The following NFIA variants were observed in gnomAD, a reference collection of about 807,000 sequenced individuals.
The protein encoded by NFIA is nuclear factor 1 A-type.
A neutral mutation model predicts 62.8 loss-of-function variants in NFIA; 8 were observed. That is an observed-to-expected ratio of 0.13 (90% CI 0.07 to 0.23). The LOEUF (loss-of-function observed/expected upper bound fraction) is 0.23. Among genes scored for constraint, NFIA ranks in the 10% least tolerant of loss-of-function variants. The pLI, the probability that NFIA is intolerant of heterozygous loss-of-function variation, is 1.00. For synonymous variants in NFIA, 235 were observed against 238.1 expected, an observed-to-expected ratio of 0.99 and a Z score of 0.12; for missense variants, 410 against 642.1, an observed-to-expected ratio of 0.64 and a Z score of 3.91.
At chr1:61,450,305 C>T (rs1668002606) in intron 10 of NFIA, among the ~76,000 whole-genome samples, 1 of 152,326 alleles carries the variant, frequency 6.6e-6, no homozygotes, top group African/African-American at 2.4e-5. Context: ...GAGACCTCAT[C>T]CATTTCTATC....
intron 2 of NFIA, among the ~76,000 whole-genome samples, chr1:61,275,371 G>A (rs1020864218): frequency 1.3e-5 from 2 of 152,148 alleles, no homozygotes; most frequent in African/African-American, 4.8e-5. Flanking sequence ...AAAGAAGAAA[G>A]AAGTCTGCTT....
intron 4 of NFIA, among the ~76,000 whole-genome samples, chr1:61,342,294 C>T (rs547286550): frequency 9.1e-4 from 138 of 151,984 alleles, no homozygotes; most frequent in Non-Finnish European, 1.8e-3. Flanking sequence ...AGTCCCAGTG[C>T]ACTATTGGTT....
At chr1:61,159,069 T>A in intron 2 of NFIA, among the ~76,000 whole-genome samples, 1 of 152,122 alleles carries the variant, frequency 6.6e-6, no homozygotes, top group East Asian at 1.9e-4. Flanking sequence ...TTTTTTTCCA[T>A]CTTCTTCTCC....
intron 2 of NFIA, among the ~76,000 whole-genome samples, chr1:61,126,109 T>A (rs756361488): frequency 2.0e-5 from 3 of 152,172 alleles, no homozygotes; most frequent in Non-Finnish European, 4.4e-5. Flanking sequence ...CGAAACTTGC[T>A]TCAGTTCAGA....
intron 2 of NFIA, among the ~76,000 whole-genome samples, chr1:61,270,274 C>G (rs1412080398): frequency 6.6e-6 from 1 of 152,164 alleles, no homozygotes; most frequent in Non-Finnish European, 1.5e-5. Context: ...TAGGCAAAAT[C>G]ATCAGTAGTG....
chr1:61,376,855 A>T (rs1046014591), intron 6 of NFIA, among the ~76,000 whole-genome samples: 1 of 152,200 alleles, frequency 6.6e-6, no homozygotes, highest in Non-Finnish European at 1.5e-5. Flanking sequence ...ATCACTTGAT[A>T]TCTAATTTCT....
chr1:61,177,038 A>G (rs1003986665), intron 2 of NFIA, among the ~76,000 whole-genome samples: 13 of 152,068 alleles, frequency 8.5e-5, no homozygotes, highest in East Asian at 1.9e-4. Flanking sequence ...CCTGGGAGGC[A>G]GAGCTTGCAG....
intron 10 of NFIA, among the ~76,000 whole-genome samples, chr1:61,448,151 C>T (rs1667901502): frequency 2.6e-5 from 4 of 152,120 alleles, no homozygotes; most frequent in Non-Finnish European, 2.9e-5. Context: ...TGACTACCCC[C>T]TCCCTTCCTC....
chr1:61,091,936 G>A (rs764915820), intron 2 of NFIA, among the ~76,000 whole-genome samples: 4 of 150,214 alleles, frequency 2.7e-5, no homozygotes, highest in Admixed American at 6.7e-5. Flanking sequence ...GTTAGATTTT[G>A]TGAAAGGTTA....
chr1:61,389,936 T>C (rs936516059), intron 7 of NFIA, among the ~76,000 whole-genome samples: 1 of 152,188 alleles, frequency 6.6e-6, no homozygotes, highest in Non-Finnish European at 1.5e-5. Flanking sequence ...GACCCATTAA[T>C]TTTTTTCCAC....
At chr1:61,405,348 A>G (rs374378439) in intron 8 of NFIA, among the ~76,000 whole-genome samples, 24 of 152,348 alleles carry the variant, frequency 1.6e-4, no homozygotes, top group African/African-American at 5.5e-4. Context: ...CTCAGAAATA[A>G]CGCAAAGGCA....
At chr1:61,280,698 T>C (rs929856947) in intron 3 of NFIA, among the ~76,000 whole-genome samples, 1 of 152,206 alleles carries the variant, frequency 6.6e-6, no homozygotes, top group Non-Finnish European at 1.5e-5. Context: ...CTTTCTTTTC[T>C]TGTACTCCCT....
intron 2 of NFIA, among the ~76,000 whole-genome samples, chr1:61,158,941 G>A (rs1441365554): frequency 6.6e-6 from 1 of 152,152 alleles, no homozygotes; most frequent in African/African-American, 2.4e-5. Context: ...GAAAGAAATG[G>A]TGTACTTTCT....
Position 61,330,759 on chromosome 1 carries a change from G to A in NFIA, c.626-1753G>A, listed in dbSNP as rs138113463. Among the ~76,000 whole-genome samples, 10 of 152,270 alleles carry A rather than the reference G, an allele frequency of 6.6e-5. No individual in the cohort carries two copies. In the East Asian group the frequency reaches 1.7e-3, roughly 26 times the overall value. ...ATTTCAAAGATTGGAACTGAAACAA[G>A]TATCAGCCTGTAAGTCAAGTAAAGA... On this transcript the variant is annotated intron_variant, in intron 3 of 10. Transcript: ENST00000403491.
chr1:61,187,887 T>C (rs996509462), intron 2 of NFIA, among the ~76,000 whole-genome samples: 3 of 152,106 alleles, frequency 2.0e-5, no homozygotes, highest in African/African-American at 4.8e-5. Context: ...GTGCCCTCCT[T>C]CTCCACAGGG....
intron 3 of NFIA, among the ~76,000 whole-genome samples, chr1:61,287,593 C>T (rs138375209): frequency 0.064 from 9,780 of 151,966 alleles, 626 homozygotes; most frequent in African/African-American, 0.15. Context: ...TCACTTGTGG[C>T]CAGGAGTTTG....
chr1:61,286,616 G>A (rs1410058777), intron 3 of NFIA, among the ~76,000 whole-genome samples: 3 of 152,182 alleles, frequency 2.0e-5, no homozygotes, highest in Non-Finnish European at 4.4e-5. Flanking sequence ...AACCAGGCAT[G>A]TTCTAGGCAT....
chr1:61,364,859 C>T (rs1001454030), intron 6 of NFIA, among the ~76,000 whole-genome samples: 1 of 152,016 alleles, frequency 6.6e-6, no homozygotes, highest in Non-Finnish European at 1.5e-5. Flanking sequence ...CACTTCAGAC[C>T]CTTGCTGCTC....
chr1:61,122,386 GT>G lies in NFIA; in HGVS notation c.559+33710del, dbSNP rs762150555. 7.5e-4 allele frequency among the ~76,000 whole-genome samples: 114 copies of G among 152,272 alleles called. 1 individual carries two copies. Among genetic ancestry groups the G allele is most frequent in the Non-Finnish European group, 1.9e-4 (13 of 68,026 alleles). Reference sequence around the variant, plus strand: ...GTTGCTGTAAGAGTTATATTGTAAAGTTTTAGACTAACTTGCATGTATCCCA... The same window carrying G: ...GTTGCTGTAAGAGTTATATTGTAAAGTTTAGACTAACTTGCATGTATCCCA... On this transcript the variant is annotated intron_variant, in intron 2 of 10. Transcript: ENST00000403491.
Sources: allele counts gnomAD v4.1 joint callset (sites outside exome capture counted in the v4.1 genomes callset), GRCh38; gene constraint gnomAD v4.1.1; transcripts MANE v1.5; gene names NCBI Gene and HGNC (gene_info 2026-07-23, HGNC 2026-07-21).